Variants in RECK observed in about 807,000 individuals in gnomAD.
RECK encodes the protein reversion-inducing cysteine-rich protein with Kazal motifs.
In RECK, 69 loss-of-function variants were observed where a neutral mutation model predicts 115.1. The observed-to-expected ratio is 0.60, with a 90% confidence interval of 0.49 to 0.73. The LOEUF (loss-of-function observed/expected upper bound fraction) is 0.73. Ranked by LOEUF, RECK falls within the 30% of genes least tolerant of loss-of-function variation. RECK has a pLI of 0.00. For synonymous variants in RECK, 414 were observed against 419.7 expected, an observed-to-expected ratio of 0.99 and a Z score of 0.17; for missense variants, 1,047 against 1,203.7, an observed-to-expected ratio of 0.87 and a Z score of 1.93.
chr9:36,117,225 G>A (rs761418312), intron 17 of RECK, 48 bp downstream of exon 17: 3 of 1,464,398 alleles, frequency 2.0e-6, no homozygotes, highest in Non-Finnish European at 2.8e-6. Flanking sequence ...GATAAAATTG[G>A]TTTATGATAT....
intron 16 of RECK, among the ~76,000 whole-genome samples, chr9:36,113,608 G>A (rs1039827820): frequency 6.6e-6 from 1 of 152,272 alleles, no homozygotes; most frequent in East Asian, 1.9e-4. Flanking sequence ...AAAGTGGGAA[G>A]GCCTTCTTGA....
chr9:36,106,892 C>T (rs1436347580), intron 13 of RECK, among the ~76,000 whole-genome samples: 1 of 151,570 alleles, frequency 6.6e-6, no homozygotes, highest in East Asian at 2.0e-4. Context: ...ATCACGAGGT[C>T]AGGAGATCAA....
At position 36,098,756 on chromosome 9, in the gene RECK, G is replaced by GA. The variant is rs1434613090; in HGVS notation, c.1086-1574dup. ...ACATTGTGGTGCATCCAAACAATGG[G>GA]ATAGCAATGGATGAATCTTACATTG... is the stretch of plus-strand genomic sequence containing the variant. On this transcript the variant is annotated intron_variant, in intron 10 of 20. Coordinates refer to ENST00000377966, the MANE Select transcript of RECK (RefSeq NM_021111.3). Among the ~76,000 whole-genome samples the GA allele has an allele frequency of 4.6e-5, 7 of 152,128 alleles. No individual in the cohort carries two copies. The East Asian group carries it at 1.4e-3, about 29-fold the overall frequency.
intron 1 of RECK, among the ~76,000 whole-genome samples, chr9:36,042,408 T>C (rs902508869): frequency 1.3e-5 from 2 of 151,026 alleles, no homozygotes; most frequent in African/African-American, 4.9e-5. Context: ...TTTTTATGGC[T>C]GAGTAGTATT....
intron 16 of RECK, among the ~76,000 whole-genome samples, chr9:36,113,156 A>T (rs780555060): frequency 7.2e-5 from 11 of 152,188 alleles, no homozygotes; most frequent in Non-Finnish European, 1.3e-4. Context: ...GGATTTCTGT[A>T]TGGGGCAGCC....
rs1408063062 is a variant in RECK, at chr9:36,094,669, AAAGACT to A, written c.1085+3328_1085+3333del. ...GAAAGGCAGAGGTTGTTAGAAAGAC[AAAGACT>A]ATTATTGGAGATAAAGAGTATCACC... On this transcript the variant is annotated intron_variant, in intron 10 of 20. Transcript: ENST00000377966. The surrounding 1 kb of genome is among the most constrained non-coding windows in gnomAD (Gnocchi z 4.1). Among the ~76,000 whole-genome samples, 3 of 152,310 alleles carry A rather than the reference AAAGACT, an allele frequency of 2.0e-5. No individual in the cohort carries two copies. Among genetic ancestry groups the A allele is most frequent in the African/African-American group, 7.2e-5 (3 of 41,588 alleles).
At chr9:36,054,014 A>C (rs1000250830) in intron 2 of RECK, among the ~76,000 whole-genome samples, 10 of 152,156 alleles carry the variant, frequency 6.6e-5, no homozygotes, top group Non-Finnish European at 1.0e-4. Flanking sequence ...TGTGTTACAT[A>C]TGTTTACTTT....
chr9:36,105,814 A>G (rs2132658199), intron 13 of RECK, among the ~76,000 whole-genome samples: 1 of 152,336 alleles, frequency 6.6e-6, no homozygotes, highest in East Asian at 1.9e-4. Context: ...GAATTATGAT[A>G]GTCTTTATCT....
chr9:36,123,113 G>C lies in RECK; in HGVS notation c.*68G>C. 1 of 1,281,826 alleles carries C rather than the reference G, an allele frequency of 7.8e-7. No homozygotes were observed. The highest frequency in any genetic ancestry group is 1.1e-6 in the Non-Finnish European group (1 of 913,430). The allele number at this position is 1,281,826 out of a possible 1,614,324, so 79.4% of individuals were successfully genotyped here. Reference sequence around the variant, plus strand: ...TGCCTTGAAAAAGACATTCAGGACTGCTGGTTTGTAGTTGAATATTGGCCA... The same window carrying C: ...TGCCTTGAAAAAGACATTCAGGACTCCTGGTTTGTAGTTGAATATTGGCCA... On this transcript the variant is annotated 3_prime_UTR_variant, in exon 21 of 21. Transcript: ENST00000377966.
chr9:36,076,870 T>C (rs1822471074), intron 6 of RECK, among the ~76,000 whole-genome samples: 1 of 152,158 alleles, frequency 6.6e-6, no homozygotes, highest in African/African-American at 2.4e-5. Flanking sequence ...TTGCATTGGC[T>C]GCATTGAGAA....
chr9:36,054,838 A>G (rs1029945524), intron 2 of RECK, among the ~76,000 whole-genome samples: 2 of 152,306 alleles, frequency 1.3e-5, no homozygotes, highest in African/African-American at 4.8e-5. Flanking sequence ...TGTTGTATTC[A>G]TGTCCCTGCT....
rs1339105270 is a variant in RECK, at chr9:36,087,961, G to A, written c.905G>A (p.Arg302Lys). ...CCSKANTSTC[R>K]ELCTKLYSMS... Reference sequence around the variant, plus strand: ...TCTAAAGCAAACACTTCAACATGTAGGTTAGTATTTCATTTTCCTTTACCA... The same window carrying A: ...TCTAAAGCAAACACTTCAACATGTAAGTTAGTATTTCATTTTCCTTTACCA... The change falls in exon 9 of 21, where the codon AGG (arginine) becomes AAG (lysine). Residue 302 changes from arginine (R) to lysine (K), a missense_variant and splice_region_variant. Physicochemically the swap from Arg to Lys is conservative, Grantham distance 26. Transcript: ENST00000377966. The A allele has an allele frequency of 1.9e-6, 3 of 1,601,168 alleles. No homozygotes were observed. Among genetic ancestry groups the A allele is most frequent in the East Asian group, 2.2e-5 (1 of 44,666 alleles).
At chr9:36,067,392 T>C (rs1164992664) in intron 6 of RECK, among the ~76,000 whole-genome samples, 1 of 152,204 alleles carries the variant, frequency 6.6e-6, no homozygotes. Context: ...AGAGTAGTTT[T>C]ATGTATAGTT....
intron 19 of RECK, 99 bp from the exon 20 acceptor site, chr9:36,121,434 G>A: frequency 8.4e-7 from 1 of 1,184,302 alleles, no homozygotes; most frequent in Non-Finnish European, 1.2e-6. Flanking sequence ...GGGCTGTGCG[G>A]TCAAAAGAGC....
chr9:36,092,541 AATTTTTTTT>A (rs1441503214), intron 10 of RECK, among the ~76,000 whole-genome samples: 2 of 114,364 alleles, frequency 1.7e-5, no homozygotes, highest in African/African-American at 7.6e-5. Context: ...ACACCCAGCT[AATTTTTTTT>A]TTTTTTTTTT....
chr9:36,078,564 T>C (rs1007999471), intron 6 of RECK, among the ~76,000 whole-genome samples: 2 of 152,104 alleles, frequency 1.3e-5, no homozygotes, highest in Non-Finnish European at 2.9e-5. Flanking sequence ...TCAGTTGTGA[T>C]AACCAAAAAT....
At chr9:36,109,892 T>C in intron 14 of RECK, 65 bp from the exon 15 acceptor site, 1 of 1,428,414 alleles carries the variant, frequency 7.0e-7, no homozygotes, top group Non-Finnish European at 9.7e-7. Flanking sequence ...ACTATTAAAA[T>C]TGTAATACGT....
At chr9:36,107,622 AAT>A (rs1466372660) in intron 13 of RECK, among the ~76,000 whole-genome samples, 4 of 152,056 alleles carry the variant, frequency 2.6e-5, no homozygotes, top group South Asian at 4.1e-4. Context: ...AAAAAAAAAA[AAT>A]ACTGTTAGTT....
Position 36,054,325 on chromosome 9 carries a change from G to A in RECK, c.159+2002G>A, listed in dbSNP as rs574434445. The stretch of plus-strand genomic sequence containing the variant: ...GAATTATCAGTGAAAACCACTATGT[G>A]AAGATAGGGATTTGGAATTAAAACT... On this transcript the variant is annotated intron_variant, in intron 2 of 20. Coordinates refer to ENST00000377966, the MANE Select transcript of RECK (RefSeq NM_021111.3). Among the ~76,000 whole-genome samples, 16 of 152,192 alleles carry A rather than the reference G, an allele frequency of 1.1e-4. No homozygotes were observed. In the South Asian group the frequency reaches 3.3e-3, roughly 32 times the overall value.
Sources: allele counts gnomAD v4.1 joint callset (sites outside exome capture counted in the v4.1 genomes callset), GRCh38; gene constraint gnomAD v4.1.1; non-coding constraint Gnocchi (gnomAD v3.1); transcripts MANE v1.5; gene names NCBI Gene and HGNC (gene_info 2026-07-23, HGNC 2026-07-21).